Variants in BCOR observed in about 807,000 individuals in gnomAD.
The protein encoded by BCOR is BCL-6 corepressor.
BCOR carries 10 observed loss-of-function variants against 86.7 expected under a neutral mutation model. That is an observed-to-expected ratio of 0.12 (90% CI 0.07 to 0.20). The LOEUF (loss-of-function observed/expected upper bound fraction) is 0.20. Ranked by LOEUF, BCOR falls within the 10% of genes least tolerant of loss-of-function variation. The probability of loss-of-function intolerance (pLI) is 1.00; values close to 1 mark genes in which losing one functional copy is unlikely to be tolerated. For missense variants in BCOR, 1,259 were observed against 1,452.1 expected (o/e 0.87, Z 2.16); for synonymous variants, 611 against 609.0 (o/e 1.00, Z -0.05).
chrX:40,091,440 G>A (rs946303207), intron 1 of BCOR, among the ~76,000 whole-genome samples: 23 of 112,091 alleles, frequency 2.1e-4, no homozygotes, highest in Admixed American at 8.4e-4. Context: ...CGTGGGTGCC[G>A]GCTGTGGGAG....
At chrX:40,066,674 G>A (rs1212263466) in intron 6 of BCOR, among the ~76,000 whole-genome samples, 1 of 111,822 alleles carries the variant, frequency 8.9e-6, no homozygotes, top group African/African-American at 3.3e-5. Flanking sequence ...GGAGGGGCTG[G>A]GGGTGCAATG....
chrX:40,090,125 C>G (rs1389791928), intron 1 of BCOR, among the ~76,000 whole-genome samples: 1 of 112,978 alleles, frequency 8.9e-6, no homozygotes, highest in African/African-American at 3.2e-5. Context: ...ACCTCCGGCT[C>G]GGCTCGATGG....
chrX:40,053,523 C>T (rs1312306861), intron 14 of BCOR, among the ~76,000 whole-genome samples: 1 of 112,122 alleles, frequency 8.9e-6, no homozygotes, highest in Non-Finnish European at 1.9e-5. Flanking sequence ...AAACATCCTA[C>T]AGTGGTCTGT....
At chrX:40,171,724 C>T (rs1433424027) in intron 1 of BCOR, among the ~76,000 whole-genome samples, 1 of 112,847 alleles carries the variant, frequency 8.9e-6, no homozygotes, top group African/African-American at 3.2e-5. Context: ...GTGGTTTTTC[C>T]CCAGGTTTTT....
intron 9 of BCOR, 46 bp from the exon 10 acceptor site, chrX:40,062,439 T>A: frequency 8.5e-7 from 1 of 1,175,113 alleles, no homozygotes; most frequent in Non-Finnish European, 1.1e-6. Flanking sequence ...CGTGTCCTTC[T>A]AACAGCCGCT....
rs768862086 is a variant in BCOR, at chrX:40,075,135, T to G, written c.211A>C (p.Ser71Arg). 1 of 1,210,540 alleles carries G rather than the reference T, an allele frequency of 8.3e-7. No individual in the cohort carries two copies. The highest frequency in any genetic ancestry group is 1.1e-6 in the Non-Finnish European group (1 of 895,147). ...CGGATCAGGCCAGTGCGGTCCATGC[T>G]CAGTGCTGCCAGGCCATCGATCCTA... ...AHRIDGLAAL[S>R]MDRTGLIREG... Residue 71 changes from serine (S) to arginine (R), a missense_variant, in exon 4 of 15, where the codon AGC becomes CGC. Transcript: ENST00000378444.
intron 1 of BCOR, among the ~76,000 whole-genome samples, chrX:40,143,098 C>T (rs1937958031): frequency 1.8e-5 from 2 of 112,211 alleles, no homozygotes; most frequent in Middle Eastern, 4.6e-3. Context: ...CTAATGATCG[C>T]CTTAGGCGCC....
At chrX:40,145,164 G>T (rs1314604804) in intron 1 of BCOR, among the ~76,000 whole-genome samples, 1 of 111,583 alleles carries the variant, frequency 9.0e-6, no homozygotes, top group Non-Finnish European at 1.9e-5. Flanking sequence ...CTCGAACGCG[G>T]AGAGCAGCCT....
intron 7 of BCOR, 62 bp from the exon 8 acceptor site, chrX:40,064,014 C>A: frequency 1.4e-6 from 1 of 701,470 alleles, no homozygotes; most frequent in South Asian, 2.8e-5. Context: ...AACTGTCTTA[C>A]GCATCACTAA....
intron 1 of BCOR, among the ~76,000 whole-genome samples, chrX:40,157,142 G>C (rs1446961727): frequency 8.8e-6 from 1 of 113,207 alleles, no homozygotes; most frequent in African/African-American, 3.2e-5. Flanking sequence ...ACTTTTTCTT[G>C]TATCTGATTT....
intron 8 of BCOR, 46 bp from the exon 9 acceptor site, chrX:40,063,117 GAGA>G (rs781229417): frequency 1.0e-6 from 1 of 965,845 alleles, no homozygotes; most frequent in South Asian, 2.3e-5. Flanking sequence ...TGGGAGACGG[GAGA>G]AGAAGCGGGC....
chrX:40,106,366 C>A (rs1361951170), intron 1 of BCOR, among the ~76,000 whole-genome samples: 2 of 112,347 alleles, frequency 1.8e-5, no homozygotes, highest in African/African-American at 6.4e-5. Flanking sequence ...GGGGCGCGGG[C>A]TCGGGCCGCG....
chrX:40,168,003 T>G (rs1373516221), intron 1 of BCOR, among the ~76,000 whole-genome samples: 1 of 112,161 alleles, frequency 8.9e-6, no homozygotes, highest in African/African-American at 3.2e-5. Flanking sequence ...CTGGCTCCTC[T>G]CCTCCCTTTC....
intron 1 of BCOR, among the ~76,000 whole-genome samples, chrX:40,151,089 G>A (rs1005869573): frequency 3.6e-5 from 4 of 111,787 alleles, no homozygotes; most frequent in African/African-American, 1.3e-4. Context: ...GCATAGAACT[G>A]ACCCAGCATG....
chrX:40,064,744 G>C (rs1477929684), intron 6 of BCOR, 145 bp from the exon 7 acceptor site: 14 of 641,963 alleles, frequency 2.2e-5, no homozygotes, highest in Non-Finnish European at 3.3e-5. Context: ...CTCACACATG[G>C]TTAGCACAAA....
At chrX:40,053,693 C>G (rs1442482773) in intron 14 of BCOR, 193 bp downstream of exon 14, 5 of 484,870 alleles carry the variant, frequency 1.0e-5, no homozygotes, top group African/African-American at 7.1e-5. Flanking sequence ...CTGTGCCCCA[C>G]CCCCCACCAC....
intron 1 of BCOR, among the ~76,000 whole-genome samples, chrX:40,080,205 G>GCCGA (rs960311550): frequency 1.8e-5 from 2 of 108,358 alleles, no homozygotes; most frequent in African/African-American, 7.1e-5. Flanking sequence ...ACTTTGGGAG[G>GCCGA]CCGAGGTGGG....
At chrX:40,143,292 T>C (rs1050816351) in intron 1 of BCOR, among the ~76,000 whole-genome samples, 1 of 112,213 alleles carries the variant, frequency 8.9e-6, no homozygotes, top group African/African-American at 3.2e-5. Context: ...CCTTTCCCTC[T>C]CTCTTGCTTT....
intron 1 of BCOR, among the ~76,000 whole-genome samples, chrX:40,130,149 C>G (rs986132303): frequency 1.8e-5 from 2 of 112,016 alleles, no homozygotes; most frequent in Admixed American, 1.9e-4. Context: ...ACCTGCCCTC[C>G]TTCCCTGTCC....
Sources: allele counts gnomAD v4.1 joint callset (sites outside exome capture counted in the v4.1 genomes callset), GRCh38; gene constraint gnomAD v4.1.1; transcripts MANE v1.5; gene names NCBI Gene and HGNC (gene_info 2026-07-23, HGNC 2026-07-21).